Variants in FGF12 observed in about 807,000 individuals in gnomAD.
FGF12 encodes fibroblast growth factor 12, also known as fibroblast growth factor 12B.
Under a neutral mutation model 23.6 loss-of-function variants are expected in FGF12, and 14 were observed. The ratio of observed to expected loss-of-function variants is 0.59; its 90% CI spans 0.39 to 0.93. The LOEUF (loss-of-function observed/expected upper bound fraction) is 0.93, where lower values mean the gene tolerates loss of function less well. Among genes scored for constraint, FGF12 ranks in the 40% least tolerant of loss-of-function variants. The pLI, the probability that FGF12 is intolerant of heterozygous loss-of-function variation, is 0.00. For missense variants in FGF12, 175 were observed against 217.8 expected, an observed-to-expected ratio of 0.80 and a Z score of 1.24; for synonymous variants, 62 against 77.3, an observed-to-expected ratio of 0.80 and a Z score of 1.04.
chr3:192,467,627 A>G (rs1452386097), intron 2 of FGF12, among the ~76,000 whole-genome samples: 1 of 152,210 alleles, frequency 6.6e-6, no homozygotes, highest in Non-Finnish European at 1.5e-5. Flanking sequence ...ACTTACAGAG[A>G]GGAAGGTCTC....
intron 2 of FGF12, among the ~76,000 whole-genome samples, chr3:192,587,100 A>G (rs1035270441): frequency 3.4e-5 from 5 of 147,990 alleles, no homozygotes; most frequent in African/African-American, 1.2e-4. Flanking sequence ...TAAATCTCTA[A>G]GGTTAATGCC....
intron 5 of FGF12, among the ~76,000 whole-genome samples, chr3:192,163,005 C>CT (rs952583697): frequency 1.3e-5 from 2 of 152,112 alleles, no homozygotes; most frequent in Admixed American, 6.6e-5. Flanking sequence ...AAAAATCCAA[C>CT]TTTTTTTTAC....
intron 5 of FGF12, among the ~76,000 whole-genome samples, chr3:192,159,186 A>G (rs1714724317): frequency 6.6e-6 from 1 of 152,134 alleles, no homozygotes; most frequent in African/African-American, 2.4e-5. Flanking sequence ...TTATCATTTA[A>G]TTCTTTCCAT....
chr3:192,437,196 C>T (rs1354157721), intron 2 of FGF12, among the ~76,000 whole-genome samples: 3 of 152,114 alleles, frequency 2.0e-5, no homozygotes, highest in Non-Finnish European at 4.4e-5. Flanking sequence ...GAGGAAGTGC[C>T]TGTGATAGGA....
chr3:192,525,701 C>T (rs1356627401), intron 2 of FGF12, among the ~76,000 whole-genome samples: 6 of 152,280 alleles, frequency 3.9e-5, no homozygotes, highest in East Asian at 1.9e-4. Context: ...ATAAAACCTA[C>T]GATGATTTGC....
chr3:192,567,626 T>G (rs1345121933), intron 2 of FGF12, among the ~76,000 whole-genome samples: 1 of 152,164 alleles, frequency 6.6e-6, no homozygotes, highest in Non-Finnish European at 1.5e-5. Flanking sequence ...AAGCTCTAGG[T>G]GAGAATCCTC....
chr3:192,689,008 C>A lies in FGF12; in HGVS notation c.13+38173G>T, dbSNP rs183820294. ...AATCACAGAAAGACATATGTTCTCA[C>A]TCATATGTGGGAGCTAAACAAGTCA... is the stretch of plus-strand genomic sequence containing the variant. On this transcript the variant is annotated intron_variant, in intron 2 of 5. Transcript: ENST00000445105. Among the ~76,000 whole-genome samples the A allele has an allele frequency of 1.2e-3, 188 of 152,284 alleles. 1 individual carries two copies. Among genetic ancestry groups the A allele is most frequent in the African/African-American group, 4.4e-3 (183 of 41,558 alleles).
intron 2 of FGF12, among the ~76,000 whole-genome samples, chr3:192,683,685 G>A (rs909121265): frequency 6.6e-6 from 1 of 152,112 alleles, no homozygotes; most frequent in Admixed American, 6.6e-5. Context: ...ATAAAGCCCT[G>A]CCTAATATAT....
chr3:192,161,538 C>G (rs1714883665), intron 5 of FGF12, among the ~76,000 whole-genome samples: 1 of 132,626 alleles, frequency 7.5e-6, no homozygotes, highest in Admixed American at 7.7e-5. Context: ...ACACACACAT[C>G]ACATCACATT....
At chr3:192,424,168 C>G (rs1721621863) in intron 2 of FGF12, among the ~76,000 whole-genome samples, 1 of 152,114 alleles carries the variant, frequency 6.6e-6, no homozygotes, top group East Asian at 1.9e-4. Flanking sequence ...TGGCCACTTC[C>G]CCAGATCCTG....
At chr3:192,616,947 G>T (rs1490494713) in intron 2 of FGF12, among the ~76,000 whole-genome samples, 4 of 151,962 alleles carry the variant, frequency 2.6e-5, no homozygotes, top group African/African-American at 9.7e-5. Context: ...AAGTTTGGGG[G>T]ACACAGGCAT....
intron 2 of FGF12, among the ~76,000 whole-genome samples, chr3:192,440,988 C>T (rs941969111): frequency 9.2e-5 from 14 of 152,212 alleles, no homozygotes; most frequent in Non-Finnish European, 1.6e-4. Context: ...GGATAAAGGA[C>T]TTCAATCTGA....
At chr3:192,184,933 C>T (rs1192817113) in intron 4 of FGF12, among the ~76,000 whole-genome samples, 1 of 152,210 alleles carries the variant, frequency 6.6e-6, no homozygotes, top group East Asian at 1.9e-4. Context: ...GTGCCTCCAT[C>T]TCATTAGGGT....
intron 4 of FGF12, among the ~76,000 whole-genome samples, chr3:192,232,537 T>G (rs1719077568): frequency 1.3e-5 from 2 of 151,814 alleles, no homozygotes; most frequent in South Asian, 4.2e-4. Context: ...ATTTATTTAT[T>G]TATTTATTTT....
chr3:192,718,694 T>C (rs540485850), intron 2 of FGF12, among the ~76,000 whole-genome samples: 2 of 152,306 alleles, frequency 1.3e-5, no homozygotes, highest in East Asian at 1.9e-4. Flanking sequence ...AATCATGCCA[T>C]ATACAAACTT....
chr3:192,316,047 C>T (rs1421071291), intron 4 of FGF12, among the ~76,000 whole-genome samples: 1 of 152,088 alleles, frequency 6.6e-6, no homozygotes, highest in Non-Finnish European at 1.5e-5. Context: ...ACTTGTTGCT[C>T]CCCATGTTTT....
Position 192,491,447 on chromosome 3 carries a change from GT to G in FGF12, c.14-130910del, listed in dbSNP as rs375813765. Among the ~76,000 whole-genome samples the G allele has an allele frequency of 7.8e-3, 1,183 of 152,222 alleles. 15 individuals are homozygous for G. Among genetic ancestry groups the G allele is most frequent in the African/African-American group, 0.027 (1,134 of 41,568 alleles). On this transcript the variant is annotated intron_variant, in intron 2 of 5. Transcript: ENST00000445105. ...AGTTTTCATAACCTAATATCATGAAGTTTTGCAATTCTTAAGGCAGCTGTAG... is the reference window on the plus strand; with the variant it reads ...AGTTTTCATAACCTAATATCATGAAGTTTGCAATTCTTAAGGCAGCTGTAG...
intron 2 of FGF12, among the ~76,000 whole-genome samples, chr3:192,704,153 A>T (rs1483373749): frequency 6.6e-6 from 1 of 152,242 alleles, no homozygotes; most frequent in Non-Finnish European, 1.5e-5. Context: ...TACTTTGCCC[A>T]GATCCATCAG....
chr3:192,145,100 C>T (rs912741011), intron 5 of FGF12, among the ~76,000 whole-genome samples: 2 of 151,214 alleles, frequency 1.3e-5, no homozygotes, highest in Non-Finnish European at 3.0e-5. Context: ...GAGTGGTTAC[C>T]GATTTGCGAA....
Sources: gnomAD v4.1 joint callset for allele counts (sites outside exome capture counted in the v4.1 genomes callset) on GRCh38, gnomAD v4.1.1 for gene constraint, MANE v1.5 for transcripts, NCBI Gene and HGNC (gene_info 2026-07-23, HGNC 2026-07-21) for gene names.